CMIP: variants seen among roughly 807,000 people sequenced by gnomAD.
The protein encoded by CMIP is C-Maf-inducing protein.
A neutral mutation model predicts 97.3 loss-of-function variants in CMIP; 13 were observed. The ratio of observed to expected loss-of-function variants is 0.13; its 90% confidence interval spans 0.09 to 0.21. CMIP has a LOEUF of 0.21. CMIP is among the 10% of genes least tolerant of loss of function. The pLI, the probability that CMIP is intolerant of heterozygous loss-of-function variation, is 1.00. For synonymous variants in CMIP, 538 were observed against 436.3 expected (o/e 1.23, Z -2.91); for missense variants, 847 against 1,024.9 (o/e 0.83, Z 2.37).
At chr16:81,586,718 G>A (rs1177770389) in intron 1 of CMIP, among the ~76,000 whole-genome samples, 5 of 151,958 alleles carry the variant, frequency 3.3e-5, no homozygotes, top group East Asian at 1.9e-4. Flanking sequence ...ACTTTCCCTC[G>A]GGCTCCTCTG....
At chr16:81,483,549 C>T (rs2089264525) in intron 1 of CMIP, among the ~76,000 whole-genome samples, 1 of 151,968 alleles carries the variant, frequency 6.6e-6, no homozygotes, top group Admixed American at 6.5e-5. Flanking sequence ...TGGCTTGCCT[C>T]TCTCCCTCCC....
At chr16:81,702,815 C>T in intron 17 of CMIP, 146 bp downstream of exon 17, 2 of 697,180 alleles carry the variant, frequency 2.9e-6, no homozygotes, top group East Asian at 2.7e-5. Flanking sequence ...CACGCCAGCT[C>T]TTCCAGGAGG....
At chr16:81,504,535 C>A (rs962317453) in intron 1 of CMIP, among the ~76,000 whole-genome samples, 4 of 130,350 alleles carry the variant, frequency 3.1e-5, no homozygotes, top group African/African-American at 1.2e-4. Flanking sequence ...CCCAGCTACT[C>A]GGGAGGCTGA....
At chr16:81,694,016 A>C (rs916890536) in intron 13 of CMIP, among the ~76,000 whole-genome samples, 1 of 152,212 alleles carries the variant, frequency 6.6e-6, no homozygotes, top group African/African-American at 2.4e-5. Flanking sequence ...CAAGGAAGCC[A>C]GCCTGTAGCC....
At chr16:81,553,638 G>A (rs2090704639) in intron 1 of CMIP, among the ~76,000 whole-genome samples, 1 of 152,226 alleles carries the variant, frequency 6.6e-6, no homozygotes, top group South Asian at 2.1e-4. Flanking sequence ...AACACAGCCT[G>A]GAGAGGAAGG....
intron 1 of CMIP, among the ~76,000 whole-genome samples, chr16:81,550,806 G>A (rs574166100): frequency 1.8e-4 from 27 of 151,906 alleles, no homozygotes; most frequent in Non-Finnish European, 3.4e-4. Flanking sequence ...AGAGGATGAA[G>A]AAAGTCCTAA....
intron 1 of CMIP, among the ~76,000 whole-genome samples, chr16:81,601,009 A>G (rs77745980): frequency 0.012 from 1,855 of 152,294 alleles, 36 homozygotes; most frequent in African/African-American, 0.042. Context: ...CCGACTGTGC[A>G]GCATGGGTGT....
intron 2 of CMIP, chr16:81,619,955 T>A (rs1434106264): frequency 6.6e-6 from 1 of 152,216 alleles, no homozygotes; most frequent in African/African-American, 2.4e-5. Flanking sequence ...GTGATACTCA[T>A]GAGGGATGGG....
chr16:81,523,625 C>T (rs962624820), intron 1 of CMIP, among the ~76,000 whole-genome samples: 1 of 152,222 alleles, frequency 6.6e-6, no homozygotes, highest in Non-Finnish European at 1.5e-5. Flanking sequence ...TAGATCCCAG[C>T]CAAACCCCCT....
chr16:81,667,799 A>AGAGAGAGAGTGTGTGT, intron 7 of CMIP, among the ~76,000 whole-genome samples: 55 of 58,130 alleles, frequency 9.5e-4, no homozygotes, highest in Admixed American at 1.7e-3. Flanking sequence ...AGAGAGAGAG[A>AGAGAGAGAGTGTGTGT]GTGTGTGTGT....
intron 12 of CMIP, 110 bp downstream of exon 12, chr16:81,693,294 C>T: frequency 7.1e-7 from 1 of 1,399,290 alleles, no homozygotes; most frequent in Non-Finnish European, 1.0e-6. Context: ...CTCCTCTTGG[C>T]AGTTCTCTTG....
chr16:81,539,462 G>T (rs1200162756), intron 1 of CMIP, among the ~76,000 whole-genome samples: 1 of 152,148 alleles, frequency 6.6e-6, no homozygotes, highest in Non-Finnish European at 1.5e-5. Flanking sequence ...ATTGTTTTCT[G>T]CTGGGAGTGA....
In CMIP at chr16:81,711,431, G is replaced by C. The variant is rs549708783; in HGVS notation, c.*1632G>C. ...AGTCTTAATTCATTTTCCGTGCCAG[G>C]TTTTATTTCGTGTGTGTGTGAGTGT... On this transcript the variant is annotated 3_prime_UTR_variant, in exon 21 of 21. Transcript: ENST00000537098. 6.6e-6 allele frequency: 1 copy of C among 151,834 alleles called. No homozygotes were observed. The highest frequency in any genetic ancestry group is 2.4e-5 in the African/African-American group (1 of 41,272). 9.4% of individuals were successfully genotyped at this position (151,834 alleles called of 1,614,324 possible). A position where few individuals can be genotyped will look rare whatever the true frequency, so the allele number is the denominator to read the frequency against.
chr16:81,626,358 T>C (rs1367300492), intron 3 of CMIP, among the ~76,000 whole-genome samples: 2 of 149,804 alleles, frequency 1.3e-5, no homozygotes, highest in African/African-American at 5.0e-5. Context: ...GTGAGGTGAC[T>C]GTTTTGAGTA....
chr16:81,702,384 T>C (rs1642274013), intron 16 of CMIP, among the ~76,000 whole-genome samples: 1 of 152,112 alleles, frequency 6.6e-6, no homozygotes, highest in South Asian at 2.1e-4. Flanking sequence ...CCTTCCATTA[T>C]AGGTAGCCAC....
At chr16:81,515,229 G>A (rs1223448169) in intron 1 of CMIP, among the ~76,000 whole-genome samples, 1 of 152,244 alleles carries the variant, frequency 6.6e-6, no homozygotes, top group East Asian at 1.9e-4. Flanking sequence ...AGGGCTGAAG[G>A]ATTGACCGGG....
intron 2 of CMIP, among the ~76,000 whole-genome samples, 188 bp downstream of exon 2, chr16:81,607,880 A>T (rs2091770678): frequency 6.6e-6 from 1 of 152,246 alleles, no homozygotes; most frequent in South Asian, 2.1e-4. Context: ...AGGACTGTGC[A>T]TGGCCTGAGC....
intron 1 of CMIP, among the ~76,000 whole-genome samples, chr16:81,602,978 C>T (rs892363474): frequency 6.6e-6 from 1 of 152,210 alleles, no homozygotes; most frequent in Non-Finnish European, 1.5e-5. Flanking sequence ...CAAGGAACAG[C>T]AGCGTTCAGA....
At chr16:81,670,106 C>A (rs757958155) in intron 7 of CMIP, 36 bp from the exon 8 acceptor site, 3 of 1,577,054 alleles carry the variant, frequency 1.9e-6, no homozygotes, top group Non-Finnish European at 1.7e-6. Context: ...CCCTGCCTAG[C>A]ACCGTCCCGA....
Sources: gnomAD v4.1 joint callset for allele counts (sites outside exome capture counted in the v4.1 genomes callset) on GRCh38, gnomAD v4.1.1 for gene constraint, MANE v1.5 for transcripts, NCBI Gene and HGNC (gene_info 2026-07-23, HGNC 2026-07-21) for gene names.